The following KARS1 variants were observed in gnomAD, a reference collection of about 807,000 sequenced individuals.
The protein encoded by KARS1 is lysyl-tRNA synthetase 1.
A neutral mutation model predicts 63.9 loss-of-function variants in KARS1; 50 were observed. The observed-to-expected ratio is 0.78, with a 90% CI of 0.62 to 0.99. KARS1 has a LOEUF of 0.99. Ranked by LOEUF, KARS1 falls within the 50% of genes least tolerant of loss-of-function variation. The pLI is 0.00. For synonymous variants in KARS1, 320 were observed against 264.6 expected (o/e 1.21, Z -2.03); for missense variants, 816 against 754.5 (o/e 1.08, Z -0.95).
intron 1 of KARS1, among the ~76,000 whole-genome samples, chr16:75,643,681 A>G (rs922361912): frequency 6.6e-6 from 1 of 152,164 alleles, no homozygotes; most frequent in Non-Finnish European, 1.5e-5. Flanking sequence ...GCCTGGCCGA[A>G]TCTTTCATCT....
chr16:75,644,342 C>T (rs1310518801), intron 1 of KARS1: 1 of 1,610,238 alleles, frequency 6.2e-7, no homozygotes, highest in Non-Finnish European at 8.5e-7. Flanking sequence ...CAAGTTGACC[C>T]AGTCGCAGTT....
chr16:75,641,695 T>C lies in KARS1; in HGVS notation c.91A>G (p.Lys31Glu). ...NELKRRLKAE[K>E]KVAEKEAKQK... ...TTGGCCTCCTTCTCTGCTACTTTCT[T>C]CTCAGCTTTCAGGCGTCTCTTCAGC... Residue 31 changes from lysine (K) to glutamate (E), a missense_variant, in exon 2 of 14, where the codon AAG becomes GAG. Physicochemically the swap from Lys to Glu is moderately conservative, Grantham distance 56. Coordinates refer to ENST00000302445, the MANE Select transcript of KARS1 (RefSeq NM_005548.3). 1 of 1,613,964 alleles carries C rather than the reference T, an allele frequency of 6.2e-7. No homozygotes were observed. The highest frequency in any genetic ancestry group is 8.5e-7 in the Non-Finnish European group (1 of 1,180,044).
intron 3 of KARS1, among the ~76,000 whole-genome samples, chr16:75,639,295 G>A (rs2151808554): frequency 6.6e-6 from 1 of 151,992 alleles, no homozygotes; most frequent in African/African-American, 2.4e-5. Context: ...TTAGTGGCAG[G>A]GTGTGGCGGC....
At position 75,630,512 on chromosome 16, in the gene KARS1, A is replaced by C; in HGVS notation, c.1339-4T>G. The stretch of plus-strand genomic sequence containing the variant: ...CTTCCAGGAACTCCCCAACAAGCTT[A>C]ATGAGAAAGCAAAGCAGAGTCAGTC... On this transcript the variant is annotated splice_region_variant and splice_polypyrimidine_tract_variant and intron_variant, in intron 10 of 13. Transcript: ENST00000302445. The C allele has an allele frequency of 6.3e-7, 1 of 1,592,888 alleles. No homozygotes were observed. The highest frequency in any genetic ancestry group is 8.6e-7 in the Non-Finnish European group (1 of 1,161,140).
At chr16:75,643,110 A>G (rs1416415266) in intron 1 of KARS1, among the ~76,000 whole-genome samples, 3 of 152,210 alleles carry the variant, frequency 2.0e-5, no homozygotes, top group African/African-American at 7.2e-5. Flanking sequence ...GTTCTGTATG[A>G]TATGTTCATG....
Position 75,647,659 on chromosome 16 carries a change from C to G in KARS1, c.-20G>C. 6.2e-7 allele frequency: 1 copy of G among 1,613,196 alleles called. No individual in the cohort carries two copies. Among genetic ancestry groups the G allele is most frequent in the Non-Finnish European group, 8.5e-7 (1 of 1,179,386 alleles). On this transcript the variant is annotated 5_prime_UTR_variant, in exon 1 of 14. Transcript: ENST00000302445. ...CGCCATCTTCCCGGAGGGCCCGACC[C>G]AAAAGTAAGGAGGATAGTACGTTAA... is the stretch of plus-strand genomic sequence containing the variant.
chr16:75,647,648 A>T lies in KARS1; in HGVS notation c.-9T>A. On this transcript the variant is annotated 5_prime_UTR_variant, in exon 1 of 14. Transcript: ENST00000302445. ...GCCTGCACGGCCGCCATCTTCCCGG[A>T]GGGCCCGACCCAAAAGTAAGGAGGA... 1 of 1,613,766 alleles carries T rather than the reference A, an allele frequency of 6.2e-7. No homozygotes were observed. The highest frequency in any genetic ancestry group is 8.5e-7 in the Non-Finnish European group (1 of 1,179,828).
At chr16:75,642,185 C>CT (rs148991591) in intron 1 of KARS1, among the ~76,000 whole-genome samples, 1,054 of 63,008 alleles carry the variant, frequency 0.017, 179 homozygotes, top group East Asian at 0.11. Context: ...AGTGCCAGGT[C>CT]TTTTTTTTTT....
intron 6 of KARS1, among the ~76,000 whole-genome samples, chr16:75,634,996 T>A (rs1369984545): frequency 6.6e-6 from 1 of 152,220 alleles, no homozygotes; most frequent in Non-Finnish European, 1.5e-5. Flanking sequence ...TAGAAATCCA[T>A]CCTACAGAAA....
At chr16:75,635,238 T>C (rs1035564620) in intron 6 of KARS1, 2 of 280,746 alleles carry the variant, frequency 7.1e-6, no homozygotes, top group African/African-American at 4.4e-5. Flanking sequence ...TACGTATATA[T>C]GCCCAGTAAA....
chr16:75,644,318 C>A, intron 1 of KARS1: 7 of 1,606,952 alleles, frequency 4.4e-6, no homozygotes, highest in Non-Finnish European at 5.9e-6. Flanking sequence ...CCTTGTGAGG[C>A]GCTGTGAAAG....
Position 75,633,515 on chromosome 16 carries a change from CTTTTT to C in KARS1, c.915+653_915+657del, listed in dbSNP as rs770761249. Among the ~76,000 whole-genome samples, 4 of 127,512 alleles carry C rather than the reference CTTTTT, an allele frequency of 3.1e-5. No homozygotes were observed. In the East Asian group the frequency reaches 8.0e-4, roughly 25 times the overall value. The allele number at this position is 127,512 out of a possible 152,430, so 83.7% of individuals were successfully genotyped here. ...ACATCTTTATAGTGATTTGAAGATA[CTTTTT>C]TTTTTTTTTTTTTTTGAGACGAAGT... On this transcript the variant is annotated intron_variant, in intron 7 of 13. Transcript: ENST00000302445.
intron 11 of KARS1, 40 bp downstream of exon 11, chr16:75,630,383 T>G: frequency 8.1e-7 from 1 of 1,232,862 alleles, no homozygotes. Context: ...ACCACTAAGT[T>G]TTGGGGCTGT....
chr16:75,629,640 C>T (rs777771119), intron 11 of KARS1, 99 bp from the exon 12 acceptor site: 70 of 1,329,096 alleles, frequency 5.3e-5, no homozygotes, highest in African/African-American at 1.6e-4. Flanking sequence ...CGCTCTGTCA[C>T]GCAGGCTGGA....
intron 7 of KARS1, 115 bp downstream of exon 7, chr16:75,634,058 C>T: frequency 1.7e-6 from 2 of 1,167,474 alleles, no homozygotes; most frequent in Non-Finnish European, 2.5e-6. Flanking sequence ...CATCAGAACA[C>T]TTTCTTGGCT....
chr16:75,637,756 G>GCAATAA (rs2082177639), intron 3 of KARS1, among the ~76,000 whole-genome samples: 1 of 141,684 alleles, frequency 7.1e-6, no homozygotes, highest in Non-Finnish European at 1.5e-5. Flanking sequence ...TCCAGCCTGG[G>GCAATAA]CAATAAGAGC....
chr16:75,644,437 A>C lies in KARS1; in HGVS notation c.63-2714T>G, dbSNP rs759937431. On this transcript the variant is annotated intron_variant, in intron 1 of 13. Coordinates refer to ENST00000302445, the MANE Select transcript of KARS1 (RefSeq NM_005548.3). ...GCAGCTTGCGTCAACATGGCAGAGC[A>C]CCCTGGAACTAATGATTACCACCAC... is the stretch of plus-strand genomic sequence containing the variant. 32 of 1,604,796 alleles carry C rather than the reference A, an allele frequency of 2.0e-5. No homozygotes were observed. The South Asian group carries it at 3.3e-4, about 17-fold the overall frequency.
rs549286799 is a variant in KARS1, at chr16:75,634,103, T to C, written c.915+70A>G. The C allele has an allele frequency of 5.6e-5, 85 of 1,515,258 alleles. No individual in the cohort carries two copies. The African/African-American group carries it at 1.1e-3, about 19-fold the overall frequency. The allele number at this position is 1,515,258 out of a possible 1,614,324, so 93.9% of individuals were successfully genotyped here. On this transcript the variant is annotated intron_variant, in intron 7 of 13. Coordinates refer to ENST00000302445, the MANE Select transcript of KARS1 (RefSeq NM_005548.3). ...TCTCTGTTCCTCTTATTTCTGACTA[T>C]ACCCATCTAGCCAGTGGTATTCCAG...
chr16:75,641,753 T>C, intron 1 of KARS1, 30 bp from the exon 2 acceptor site: 1 of 1,612,190 alleles, frequency 6.2e-7, no homozygotes, highest in Non-Finnish European at 8.5e-7. Flanking sequence ...GTTCAATGTG[T>C]TAGCTGCCTG....
Sources: allele counts gnomAD v4.1 joint callset (sites outside exome capture counted in the v4.1 genomes callset), GRCh38; gene constraint gnomAD v4.1.1; transcripts MANE v1.5; gene names NCBI Gene and HGNC (gene_info 2026-07-23, HGNC 2026-07-21).